Variants in EIPR1 observed in about 807,000 individuals in gnomAD.
EIPR1 encodes EARP and GARP complex-interacting protein 1.
In EIPR1, 25 loss-of-function variants were observed where a neutral mutation model predicts 48.1. The ratio of observed to expected loss-of-function variants is 0.52; its 90% CI spans 0.38 to 0.73. The LOEUF is 0.73. Ranked by LOEUF, EIPR1 falls within the 30% of genes least tolerant of loss-of-function variation. The pLI is 0.00. For missense variants in EIPR1, 415 were observed against 506.2 expected (o/e 0.82, Z 1.73); for synonymous variants, 204 against 201.9 (o/e 1.01, Z -0.09).
At chr2:3,200,806 G>C (rs1297615841) in intron 5 of EIPR1, among the ~76,000 whole-genome samples, 1 of 152,166 alleles carries the variant, frequency 6.6e-6, no homozygotes, top group Non-Finnish European at 1.5e-5. Context: ...AGGCAGAACA[G>C]TGGGGGCAGG....
chr2:3,360,444 A>G (rs530732030), intron 1 of EIPR1, among the ~76,000 whole-genome samples: 10 of 151,902 alleles, frequency 6.6e-5, no homozygotes, highest in Non-Finnish European at 1.5e-4. Flanking sequence ...AGGCCAAGGC[A>G]TTTTTCTCAC....
chr2:3,300,809 G>GA (rs1668742362), intron 3 of EIPR1: 2 of 152,218 alleles, frequency 1.3e-5, no homozygotes, highest in Admixed American at 1.3e-4. Flanking sequence ...TTCTACAAGA[G>GA]AGTATATATG....
chr2:3,355,990 GGA>G (rs1670716202), intron 1 of EIPR1, among the ~76,000 whole-genome samples: 1 of 152,198 alleles, frequency 6.6e-6, no homozygotes, highest in African/African-American at 2.4e-5. Context: ...GGTATCTAAA[GGA>G]GACTTACTAG....
At chr2:3,200,706 G>T (rs1278334862) in intron 5 of EIPR1, among the ~76,000 whole-genome samples, 1 of 152,006 alleles carries the variant, frequency 6.6e-6, no homozygotes, top group Non-Finnish European at 1.5e-5. Context: ...GCACGTGTGA[G>T]CACGGCAGGA....
At chr2:3,329,768 G>A (rs1457346971) in intron 3 of EIPR1, among the ~76,000 whole-genome samples, 1 of 150,294 alleles carries the variant, frequency 6.7e-6, no homozygotes, top group Non-Finnish European at 1.5e-5. Flanking sequence ...TATTAGCCTG[G>A]GTTCCCCAAC....
intron 3 of EIPR1, among the ~76,000 whole-genome samples, chr2:3,297,711 T>G (rs556338316): frequency 6.6e-6 from 1 of 152,366 alleles, no homozygotes; most frequent in African/African-American, 2.4e-5. Context: ...AGCGAGTGTG[T>G]CTGGGTGCCA....
At chr2:3,376,620 G>A (rs1244172808) in intron 1 of EIPR1, among the ~76,000 whole-genome samples, 1 of 151,368 alleles carries the variant, frequency 6.6e-6, no homozygotes, top group African/African-American at 2.4e-5. Flanking sequence ...AAACCCGGGA[G>A]GCGGAGGTTG....
At chr2:3,370,693 G>T (rs1671093613) in intron 1 of EIPR1, among the ~76,000 whole-genome samples, 1 of 151,422 alleles carries the variant, frequency 6.6e-6, no homozygotes, top group Non-Finnish European at 1.5e-5. Context: ...AGAGAAAAAA[G>T]AATAAAAAGA....
intron 3 of EIPR1, among the ~76,000 whole-genome samples, chr2:3,281,327 G>C (rs185643387): frequency 6.6e-6 from 1 of 151,986 alleles, no homozygotes; most frequent in Non-Finnish European, 1.5e-5. Flanking sequence ...TCCAGTGAGC[G>C]TGCACATTTC....
chr2:3,209,626 G>T (rs1665371167), intron 5 of EIPR1, among the ~76,000 whole-genome samples: 1 of 152,180 alleles, frequency 6.6e-6, no homozygotes, highest in Admixed American at 6.5e-5. Context: ...TAAAAGGAAA[G>T]ACCAACAAAC....
intron 4 of EIPR1, among the ~76,000 whole-genome samples, chr2:3,229,468 G>T (rs1329507118): frequency 6.6e-6 from 1 of 152,240 alleles, no homozygotes; most frequent in Non-Finnish European, 1.5e-5. Context: ...ACAGCTTTGA[G>T]CTTGGCAAGC....
At chr2:3,278,636 G>A (rs1409171710) in intron 3 of EIPR1, among the ~76,000 whole-genome samples, 1 of 152,126 alleles carries the variant, frequency 6.6e-6, no homozygotes, top group African/African-American at 2.4e-5. Flanking sequence ...CTCCACTTGT[G>A]GCCATTTCTT....
At chr2:3,344,043 G>GA (rs1362095840) in intron 2 of EIPR1, among the ~76,000 whole-genome samples, 1 of 152,004 alleles carries the variant, frequency 6.6e-6, no homozygotes, top group East Asian at 1.9e-4. Flanking sequence ...CATCTCTACA[G>GA]AAAAAAATAA....
intron 3 of EIPR1, chr2:3,274,268 T>C (rs1353365723): frequency 1.8e-5 from 27 of 1,519,416 alleles, no homozygotes; most frequent in Admixed American, 2.2e-5. Context: ...GTACCATAAT[T>C]AAAAATATAT....
At chr2:3,370,400 C>T (rs1275117585) in intron 1 of EIPR1, among the ~76,000 whole-genome samples, 4 of 152,180 alleles carry the variant, frequency 2.6e-5, no homozygotes, top group African/African-American at 7.2e-5. Context: ...ATGACTTTGA[C>T]GAGTTGAGAG....
chr2:3,194,409 C>A, intron 6 of EIPR1: 2 of 339,302 alleles, frequency 5.9e-6, no homozygotes, highest in Non-Finnish European at 1.1e-5. Flanking sequence ...CTGGGCGAGC[C>A]GTGGAAGGAA....
chr2:3,354,723 T>C lies in EIPR1; in HGVS notation c.43-90A>G, dbSNP rs1670679176. 2.8e-5 allele frequency: 35 copies of C among 1,268,418 alleles called. No individual in the cohort carries two copies. The South Asian group carries it at 4.2e-4, about 15-fold the overall frequency. The allele number at this position is 1,268,418 out of a possible 1,614,324, so 78.6% of individuals were successfully genotyped here. On this transcript the variant is annotated intron_variant, in intron 1 of 8. Coordinates refer to ENST00000382125, the MANE Select transcript of EIPR1 (RefSeq NM_003310.5). ...AGATTTAAAAAGGCAGTTTATCTCA[T>C]CTACTGTTGATAAAGTATAAATTAG... is the stretch of plus-strand genomic sequence containing the variant.
At chr2:3,296,447 CCAT>C (rs1668599717) in intron 3 of EIPR1, among the ~76,000 whole-genome samples, 1 of 141,956 alleles carries the variant, frequency 7.0e-6, no homozygotes, top group African/African-American at 2.7e-5. Flanking sequence ...TCCATCCAGC[CCAT>C]CCTCTCTCCA....
At chr2:3,216,776 G>A (rs559188386) in intron 4 of EIPR1, among the ~76,000 whole-genome samples, 1 of 152,324 alleles carries the variant, frequency 6.6e-6, no homozygotes, top group South Asian at 2.1e-4. Flanking sequence ...CTTAATACCT[G>A]TTGATGAATT....
Sources: gnomAD v4.1 joint callset for allele counts (sites outside exome capture counted in the v4.1 genomes callset) on GRCh38, gnomAD v4.1.1 for gene constraint, MANE v1.5 for transcripts, NCBI Gene and HGNC (gene_info 2026-07-23, HGNC 2026-07-21) for gene names.